Variants in SLC28A1 observed in about 807,000 individuals in gnomAD.
SLC28A1 encodes solute carrier family 28 member 1, also known as sodium/nucleoside cotransporter 1.
SLC28A1 carries 64 observed loss-of-function variants against 74.8 expected under a neutral mutation model. The observed-to-expected ratio is 0.86, with a 90% confidence interval of 0.70 to 1.05. SLC28A1 has a LOEUF of 1.05. Ranked by LOEUF, SLC28A1 falls within the 50% of genes least tolerant of loss-of-function variation. The probability of loss-of-function intolerance (pLI) is 0.00; values close to 1 mark genes in which losing one functional copy is unlikely to be tolerated. For synonymous variants in SLC28A1, 359 were observed against 335.0 expected (o/e 1.07, Z -0.78); for missense variants, 828 against 822.8 (o/e 1.01, Z -0.08).
At chr15:84,931,512 C>T (rs1197729318) in intron 12 of SLC28A1, among the ~76,000 whole-genome samples, 12 of 148,758 alleles carry the variant, frequency 8.1e-5, no homozygotes, top group Non-Finnish European at 1.3e-4. Context: ...ATTAGCTGGG[C>T]GTGGTGGTGG....
chr15:84,951,213 C>T, the SLC28A1 span, among the ~76,000 whole-genome samples: 5 of 152,056 alleles, frequency 3.3e-5, no homozygotes, highest in Non-Finnish European at 5.9e-5. Flanking sequence ...TTTGGAAGGC[C>T]AAGGTGGGCA....
At chr15:84,907,806 G>A (rs1403807935) in intron 8 of SLC28A1, among the ~76,000 whole-genome samples, 3 of 152,170 alleles carry the variant, frequency 2.0e-5, no homozygotes, top group Non-Finnish European at 4.4e-5. Context: ...GAACCCTGCC[G>A]GTCCAGGAAT....
intron 2 of SLC28A1, among the ~76,000 whole-genome samples, chr15:84,887,118 C>T (rs1204617697): frequency 6.6e-6 from 1 of 152,152 alleles, no homozygotes; most frequent in Non-Finnish European, 1.5e-5. Flanking sequence ...ATAGTTGGAT[C>T]CAGGAACTGG....
At chr15:84,941,304 C>T (rs1160023858) in intron 15 of SLC28A1, among the ~76,000 whole-genome samples, 7 of 151,474 alleles carry the variant, frequency 4.6e-5, no homozygotes, top group Non-Finnish European at 1.0e-4. Context: ...CTCCTGGGTT[C>T]ACGCCATTCT....
chr15:84,905,592 C>T lies in SLC28A1; in HGVS notation c.657C>T (p.Leu219=). Residue 219 remains leucine, a synonymous_variant, in exon 8 of 19, where the codon CTC becomes CTT. Transcript: ENST00000394573. The part of the protein sequence containing the change: ...WGLGLQFVLG[L]LVIRTEPGFI... ...TTGGACTGCAGTTTGTACTTGGACT[C>T]CTCGTCATCAGAACAGAACCAGGAT... 1 of 1,614,196 alleles carries T rather than the reference C, an allele frequency of 6.2e-7. No homozygotes were observed. The highest frequency in any genetic ancestry group is 8.5e-7 in the Non-Finnish European group (1 of 1,180,016).
chr15:84,956,450 T>C, the SLC28A1 span, among the ~76,000 whole-genome samples: 5,111 of 80,852 alleles, frequency 0.063, 91 homozygotes, highest in African/African-American at 0.098. Context: ...TTCCTTTCTT[T>C]CTTTCTTTCT....
the SLC28A1 span, among the ~76,000 whole-genome samples, chr15:84,965,028 T>G: frequency 6.7e-6 from 1 of 149,620 alleles, no homozygotes; most frequent in Non-Finnish European, 1.5e-5. Flanking sequence ...TGATATGGTT[T>G]GGCTGTGTCC....
intron 9 of SLC28A1, among the ~76,000 whole-genome samples, chr15:84,913,310 G>C (rs935027179): frequency 1.3e-5 from 2 of 152,202 alleles, no homozygotes; most frequent in Non-Finnish European, 2.9e-5. Context: ...GGAGACATGA[G>C]GGTTTGCCCA....
the SLC28A1 span, among the ~76,000 whole-genome samples, chr15:84,967,436 G>A: frequency 5.3e-5 from 8 of 152,182 alleles, no homozygotes; most frequent in African/African-American, 1.9e-4. Flanking sequence ...GGTTCTTAAA[G>A]GAATAGTGAT....
chr15:84,968,595 C>T, the SLC28A1 span, among the ~76,000 whole-genome samples: 1 of 152,200 alleles, frequency 6.6e-6, no homozygotes, highest in African/African-American at 2.4e-5. Context: ...TCTGCAGTCT[C>T]CTATTGGTTA....
intron 6 of SLC28A1, among the ~76,000 whole-genome samples, chr15:84,902,665 T>C (rs953095682): frequency 3.3e-5 from 5 of 152,058 alleles, no homozygotes; most frequent in African/African-American, 1.2e-4. Context: ...TATGTGCAAT[T>C]GATTATATAT....
chr15:84,957,617 C>A, the SLC28A1 span, among the ~76,000 whole-genome samples: 1 of 152,194 alleles, frequency 6.6e-6, no homozygotes, highest in Non-Finnish European at 1.5e-5. Flanking sequence ...TGTCAAAAAT[C>A]AATTGACCAT....
chr15:84,931,098 GT>G (rs1971218433), intron 12 of SLC28A1, among the ~76,000 whole-genome samples: 1 of 151,618 alleles, frequency 6.6e-6, no homozygotes, highest in African/African-American at 2.4e-5. Context: ...TAGAGATGGG[GT>G]TTCACCATGT....
At chr15:84,924,672 G>A (rs537088800) in intron 12 of SLC28A1, among the ~76,000 whole-genome samples, 2 of 152,314 alleles carry the variant, frequency 1.3e-5, no homozygotes, top group Admixed American at 6.5e-5. Flanking sequence ...GGTGGGCAGA[G>A]GGAAATTCTC....
the SLC28A1 span, among the ~76,000 whole-genome samples, chr15:84,959,626 A>G: frequency 6.6e-6 from 1 of 152,068 alleles, no homozygotes; most frequent in Admixed American, 6.5e-5. Context: ...GTTTCCTGCT[A>G]TCATAATTTT....
chr15:84,923,413 C>T (rs1041249231), intron 11 of SLC28A1, among the ~76,000 whole-genome samples: 8 of 152,144 alleles, frequency 5.3e-5, no homozygotes, highest in South Asian at 2.1e-4. Context: ...TTTATCCTGT[C>T]GACGCCATGT....
At chr15:84,948,625 C>G (rs2079311999), downstream of SLC28A1, among the ~76,000 whole-genome samples, 1 of 152,192 alleles carries the variant, frequency 6.6e-6, no homozygotes, top group Non-Finnish European at 1.5e-5. Context: ...TACTGCAGCC[C>G]AGTTGTTCTG....
chr15:84,929,927 C>T (rs1971078619), intron 12 of SLC28A1, among the ~76,000 whole-genome samples: 1 of 152,146 alleles, frequency 6.6e-6, no homozygotes, highest in African/African-American at 2.4e-5. Flanking sequence ...CTCTCCTGAC[C>T]AGGTGCCTGG....
rs748140623 is a variant in SLC28A1 at position 84,933,247 on chromosome 15, AG to A, written c.1189del (p.Glu397ArgfsTer4). 6.2e-7 allele frequency: 1 copy of A among 1,613,356 alleles called. No individual in the cohort carries two copies. The highest frequency in any genetic ancestry group is 8.5e-7 in the Non-Finnish European group (1 of 1,179,616). On this transcript the variant is annotated frameshift_variant, in exon 13 of 19. Transcript: ENST00000394573. LOFTEE classifies it high-confidence loss of function. ...GGAGGTGGAGGAGTCCAAGTTTAGG[AG>A]GGAGGAAGGAGTGAAACTGACCTAT... The part of the protein sequence containing the change: ...YPEVEESKFR[R>X]EEGVKLTYGD...
Sources: allele counts gnomAD v4.1 joint callset (sites outside exome capture counted in the v4.1 genomes callset), GRCh38; gene constraint gnomAD v4.1.1; transcripts MANE v1.5; gene names NCBI Gene and HGNC (gene_info 2026-07-23, HGNC 2026-07-21).